Variants in NUFIP1 observed in about 807,000 individuals in gnomAD.
NUFIP1 encodes the protein nuclear FMR1 interacting protein 1.
NUFIP1 carries 38 observed loss-of-function variants against 56.2 expected under a neutral mutation model. The observed-to-expected ratio is 0.68, with a 90% CI of 0.52 to 0.89. NUFIP1 has a LOEUF of 0.89. Among genes scored for constraint, NUFIP1 ranks in the 40% least tolerant of loss-of-function variants. The probability of loss-of-function intolerance (pLI) is 0.00; values close to 1 mark genes in which losing one functional copy is unlikely to be tolerated. For synonymous variants in NUFIP1, 215 were observed against 212.4 expected (o/e 1.01, Z -0.10); for missense variants, 567 against 605.8 (o/e 0.94, Z 0.67).
chr13:44,943,541 C>T lies in NUFIP1; in HGVS notation c.1272G>A (p.Lys424=). Residue 424 remains lysine (K), a synonymous_variant, in exon 9 of 10, where the codon AAG becomes AAA. Transcript: ENST00000379161. Reference sequence around the variant, plus strand: ...TAGGGTTTGTTTTTTCAAAGCTTTTCTTTCGGTTCTCACTCTTGGCTTCTG... The same window carrying T: ...TAGGGTTTGTTTTTTCAAAGCTTTTTTTTCGGTTCTCACTCTTGGCTTCTG... ...NFSEAKSENR[K]KSFEKTNPKR... 1 of 1,614,062 alleles carries T rather than the reference C, an allele frequency of 6.2e-7. No individual in the cohort carries two copies. The highest frequency in any genetic ancestry group is 1.1e-5 in the South Asian group (1 of 91,082).
chr13:44,975,802 G>A (rs751034736), intron 5 of NUFIP1, among the ~76,000 whole-genome samples: 5 of 152,148 alleles, frequency 3.3e-5, no homozygotes, highest in African/African-American at 7.2e-5. Flanking sequence ...TATAGACATC[G>A]TAGAAAAGAG....
chr13:44,940,620 G>T lies in NUFIP1; in HGVS notation c.*586C>A, dbSNP rs1283245799. On this transcript the variant is annotated 3_prime_UTR_variant, in exon 10 of 10. Transcript: ENST00000379161. The stretch of plus-strand genomic sequence containing the variant: ...CTTCAATTTTATCTAAACATAAAGA[G>T]GCCCCATCTGTATTAATATTTTAAA... The T allele has an allele frequency of 6.6e-6, 1 of 152,064 alleles. No individual in the cohort carries two copies. The highest frequency in any genetic ancestry group is 1.5e-5 in the Non-Finnish European group (1 of 68,000). The allele number at this position is 152,064 out of a possible 1,614,324, so 9.4% of individuals were successfully genotyped here.
chr13:44,986,907 G>T (rs576959764), intron 1 of NUFIP1, among the ~76,000 whole-genome samples: 2 of 152,040 alleles, frequency 1.3e-5, no homozygotes, highest in South Asian at 4.1e-4. Flanking sequence ...AAGTAGCCTC[G>T]ACTTCCTGGG....
chr13:44,987,237 G>C (rs753320566), intron 1 of NUFIP1, among the ~76,000 whole-genome samples: 1 of 152,070 alleles, frequency 6.6e-6, no homozygotes, highest in Non-Finnish European at 1.5e-5. Context: ...AATTAGCCAG[G>C]CATGGTGGCG....
At chr13:44,949,199 A>ATTTTTTTTTTTTT (rs11421255) in intron 8 of NUFIP1, among the ~76,000 whole-genome samples, 2 of 112,648 alleles carry the variant, frequency 1.8e-5, no homozygotes, top group East Asian at 2.6e-4. Context: ...ATTATATTGT[A>ATTTTTTTTTTTTT]TTTTTTTTTT....
intron 8 of NUFIP1, among the ~76,000 whole-genome samples, chr13:44,944,425 A>T (rs539862143): frequency 3.9e-5 from 6 of 152,286 alleles, no homozygotes; most frequent in African/African-American, 1.2e-4. Flanking sequence ...AACACCTAAG[A>T]ACAGATTTTC....
At chr13:44,983,745 C>T (rs1872280539) in intron 1 of NUFIP1, among the ~76,000 whole-genome samples, 1 of 152,106 alleles carries the variant, frequency 6.6e-6, no homozygotes. Context: ...TGCAGTGAGC[C>T]ATATATGTGC....
At chr13:44,952,159 T>C (rs551344352) in intron 7 of NUFIP1, among the ~76,000 whole-genome samples, 147 of 152,316 alleles carry the variant, frequency 9.7e-4, no homozygotes, top group Non-Finnish European at 1.6e-3. Context: ...TGTTTTTGTT[T>C]TTGTTTGAGA....
chr13:44,986,497 C>G (rs145446840), intron 1 of NUFIP1, among the ~76,000 whole-genome samples: 253 of 152,126 alleles, frequency 1.7e-3, no homozygotes, highest in African/African-American at 5.9e-3. Context: ...CGAGACCATC[C>G]TGGCTAACAT....
chr13:44,949,564 T>C (rs1384045933), intron 8 of NUFIP1, among the ~76,000 whole-genome samples, 158 bp downstream of exon 8: 1 of 152,208 alleles, frequency 6.6e-6, no homozygotes, highest in Non-Finnish European at 1.5e-5. Flanking sequence ...TACTCCAGAG[T>C]TCCTTTAACC....
chr13:44,961,472 T>A (rs1871421854), intron 6 of NUFIP1, among the ~76,000 whole-genome samples: 1 of 152,234 alleles, frequency 6.6e-6, no homozygotes, highest in Non-Finnish European at 1.5e-5. Context: ...TAAATGGTAG[T>A]TTACTATCAT....
At chr13:44,953,262 T>C (rs998209694) in intron 7 of NUFIP1, among the ~76,000 whole-genome samples, 5 of 152,172 alleles carry the variant, frequency 3.3e-5, no homozygotes, top group Non-Finnish European at 7.4e-5. Context: ...TGGTAATTAA[T>C]AATTATTATA....
rs944288815 is a variant in NUFIP1, at chr13:44,949,759, G to A, written c.1101C>T (p.Ser367=). ...TCTCTGACCCTGAAAGACTGCCATAGCTACTCATTAGTGAGCATAGGGCTG... is the reference window on the plus strand; with the variant it reads ...TCTCTGACCCTGAAAGACTGCCATAACTACTCATTAGTGAGCATAGGGCTG... ...VTPALCSLMS[S]YGSLSGSESE... The change falls in exon 8 of 10, where the codon AGC becomes AGT. Residue 367 remains serine (S), a synonymous_variant. Coordinates refer to ENST00000379161, the MANE Select transcript of NUFIP1 (RefSeq NM_012345.3). The A allele has an allele frequency of 6.2e-7, 1 of 1,613,304 alleles. No homozygotes were observed. Among genetic ancestry groups the A allele is most frequent in the African/African-American group, 1.3e-5 (1 of 75,012 alleles).
intron 5 of NUFIP1, among the ~76,000 whole-genome samples, chr13:44,968,406 G>T: frequency 2.5e-5 from 3 of 121,038 alleles, no homozygotes; most frequent in East Asian, 2.3e-4. Context: ...ACACTGAGAA[G>T]AAAAAAAAAA....
At chr13:44,956,600 A>T (rs1871252848) in intron 7 of NUFIP1, among the ~76,000 whole-genome samples, 1 of 152,202 alleles carries the variant, frequency 6.6e-6, no homozygotes, top group Admixed American at 6.5e-5. Context: ...ACAGTGACAG[A>T]TAATCAGGCA....
chr13:44,963,066 C>T (rs1871477844), intron 6 of NUFIP1, among the ~76,000 whole-genome samples: 1 of 151,982 alleles, frequency 6.6e-6, no homozygotes, highest in Admixed American at 6.6e-5. Flanking sequence ...TATCAATCTC[C>T]CCCATCCCTC....
chr13:44,969,283 A>C (rs956901696), intron 5 of NUFIP1, among the ~76,000 whole-genome samples: 1 of 149,708 alleles, frequency 6.7e-6, no homozygotes, highest in South Asian at 2.1e-4. Context: ...CTAATTACAC[A>C]CATAAACAAC....
rs769611123 is a variant in NUFIP1 at position 44,949,841 on chromosome 13, G to A, written c.1022-3C>T. The A allele has an allele frequency of 5.1e-6, 8 of 1,575,996 alleles. No homozygotes were observed. The highest frequency in any genetic ancestry group is 2.2e-5 in the South Asian group (2 of 90,300). On this transcript the variant is annotated splice_polypyrimidine_tract_variant and splice_region_variant and intron_variant, in intron 7 of 9. Transcript: ENST00000379161. ...TGGTTTCTCCTCCTTATCAGACTCTGAAGGGAAAAGAAGTCAGATTCAAAA... is the reference window on the plus strand; with the variant it reads ...TGGTTTCTCCTCCTTATCAGACTCTAAAGGGAAAAGAAGTCAGATTCAAAA...
rs906092627 is a variant in NUFIP1 at position 44,980,930 on chromosome 13, T to C, written c.496-110A>G. The C allele has an allele frequency of 1.8e-5, 11 of 618,368 alleles. No individual in the cohort carries two copies. In the African/African-American group the frequency reaches 1.9e-4, roughly 11 times the overall value. The allele number at this position is 618,368 out of a possible 1,614,324, so 38.3% of individuals were successfully genotyped here. On this transcript the variant is annotated intron_variant, in intron 2 of 9. Coordinates refer to ENST00000379161, the MANE Select transcript of NUFIP1 (RefSeq NM_012345.3). ...CACACTTTGATGTTTCCAATAACCC[T>C]TTCGTGTGGGAGAAGCTTGTGAGTA...
Sources: allele counts gnomAD v4.1 joint callset (sites outside exome capture counted in the v4.1 genomes callset), GRCh38; gene constraint gnomAD v4.1.1; transcripts MANE v1.5; gene names NCBI Gene and HGNC (gene_info 2026-07-23, HGNC 2026-07-21).